LYG1: variants seen among roughly 807,000 people sequenced by gnomAD.
LYG1 encodes lysozyme g1.
LYG1 carries 17 observed loss-of-function variants against 21.7 expected under a neutral mutation model. That is an observed-to-expected ratio of 0.78 (90% CI 0.54 to 1.18). The LOEUF (loss-of-function observed/expected upper bound fraction) is 1.18, where lower values mean the gene tolerates loss of function less well. Among genes scored for constraint, LYG1 ranks in the 50% most tolerant of loss-of-function variants. The pLI, the probability that LYG1 is intolerant of heterozygous loss-of-function variation, is 0.00. For missense variants in LYG1, 211 were observed against 238.1 expected, an observed-to-expected ratio of 0.89 and a Z score of 0.75; for synonymous variants, 81 against 87.4, an observed-to-expected ratio of 0.93 and a Z score of 0.41.
intron 3 of LYG1, among the ~76,000 whole-genome samples, chr2:99,294,803 T>G (rs758630015): frequency 1.3e-5 from 2 of 152,176 alleles, no homozygotes; most frequent in Non-Finnish European, 2.9e-5. Context: ...GAACTTTGCT[T>G]CCTCCTTTTA....
At chr2:99,288,852 G>A (rs564019578) in intron 5 of LYG1, among the ~76,000 whole-genome samples, 3 of 152,242 alleles carry the variant, frequency 2.0e-5, no homozygotes, top group East Asian at 1.9e-4. Context: ...TTTTAAAGAC[G>A]TGAGCCACTG....
chr2:99,291,454 G>T, intron 4 of LYG1, 33 bp from the exon 5 acceptor site: 1 of 1,606,728 alleles, frequency 6.2e-7, no homozygotes, highest in Middle Eastern at 1.7e-4. Flanking sequence ...GATGCAGCTT[G>T]TTGTGACTTA....
At chr2:99,292,769 A>C in intron 3 of LYG1, 129 bp from the exon 4 acceptor site, 2 of 638,058 alleles carry the variant, frequency 3.1e-6, no homozygotes, top group Non-Finnish European at 5.5e-6. Context: ...TCTGCAATTG[A>C]AACTCTTGAA....
chr2:99,295,244 G>GT (rs1266902882), intron 3 of LYG1, among the ~76,000 whole-genome samples: 1 of 152,158 alleles, frequency 6.6e-6, no homozygotes, highest in Non-Finnish European at 1.5e-5. Flanking sequence ...CTTGATTCTG[G>GT]TTTTCTATTT....
At chr2:99,289,660 C>T (rs906175725) in intron 5 of LYG1, among the ~76,000 whole-genome samples, 9 of 152,114 alleles carry the variant, frequency 5.9e-5, no homozygotes, top group Non-Finnish European at 1.5e-5. Context: ...TTCAATGCTG[C>T]CAGTGCAAAC....
At chr2:99,299,679 C>A (rs1296489015) in intron 1 of LYG1, among the ~76,000 whole-genome samples, 5 of 151,976 alleles carry the variant, frequency 3.3e-5, no homozygotes, top group African/African-American at 1.2e-4. Context: ...CCTGCCTCAG[C>A]CTCCCAAAGT....
At chr2:99,284,606 T>A (rs2094091835) in intron 6 of LYG1, 82 bp downstream of exon 6, 41 of 1,593,156 alleles carry the variant, frequency 2.6e-5, no homozygotes, top group Non-Finnish European at 3.4e-5. Flanking sequence ...CAGCTGGAGT[T>A]TCGGGGAATC....
chr2:99,296,342 C>T (rs1466171518), intron 2 of LYG1, among the ~76,000 whole-genome samples: 1 of 152,144 alleles, frequency 6.6e-6, no homozygotes. Flanking sequence ...GAGCTACCTC[C>T]ACCAGCAAAT....
intron 5 of LYG1, among the ~76,000 whole-genome samples, chr2:99,289,616 C>T (rs543522584): frequency 2.0e-5 from 3 of 152,268 alleles, no homozygotes; most frequent in East Asian, 3.9e-4. Flanking sequence ...CAGTTAATGA[C>T]TGAGTTAGTG....
upstream of LYG1, chr2:99,301,323 T>A (rs2105305347): frequency 6.6e-6 from 1 of 151,972 alleles, no homozygotes; most frequent in East Asian, 1.9e-4. Flanking sequence ...TTTGACACAT[T>A]GAGGTCCAAC....
intron 5 of LYG1, among the ~76,000 whole-genome samples, chr2:99,286,797 AAAGAGATATCTGAGCTC>A (rs776478178): frequency 2.0e-5 from 3 of 152,214 alleles, no homozygotes; most frequent in Non-Finnish European, 4.4e-5. Context: ...TCAGGATCTC[AAAGAGATATCTGAGCTC>A]CCACATTCAT....
intron 4 of LYG1, 53 bp downstream of exon 4, chr2:99,292,483 G>A (rs2094122460): frequency 1.5e-6 from 2 of 1,342,792 alleles, no homozygotes; most frequent in Non-Finnish European, 2.1e-6. Context: ...CGTGAGGCAT[G>A]GGAAACAGTG....
At chr2:99,294,718 C>T (rs1006193579) in intron 3 of LYG1, among the ~76,000 whole-genome samples, 1 of 152,150 alleles carries the variant, frequency 6.6e-6, no homozygotes, top group African/African-American at 2.4e-5. Flanking sequence ...GGGTCAATAA[C>T]TAAATGAATG....
rs769262599 is a variant in LYG1 at position 99,295,623 on chromosome 2, C to G, written c.43+5G>C. The G allele has an allele frequency of 1.2e-6, 2 of 1,614,184 alleles. No individual in the cohort carries two copies. The highest frequency in any genetic ancestry group is 1.6e-4 in the Middle Eastern group (1 of 6,062). On this transcript the variant is annotated splice_donor_5th_base_variant and intron_variant, in intron 3 of 6. Transcript: ENST00000308528. ...AAGTCATTTGTAAAAATCAGCCACA[C>G]TCACCCATCAGGGCAAGGAGGCCCA...
chr2:99,301,621 C>G (rs1320604934), upstream of LYG1, among the ~76,000 whole-genome samples: 3 of 123,692 alleles, frequency 2.4e-5, no homozygotes, highest in African/African-American at 8.6e-5. Flanking sequence ...CAGACCCAGA[C>G]AGGTTTTTGG....
intron 2 of LYG1, among the ~76,000 whole-genome samples, chr2:99,296,586 G>A (rs2094137254): frequency 6.6e-6 from 1 of 152,104 alleles, no homozygotes; most frequent in African/African-American, 2.4e-5. Flanking sequence ...TAACCTCAGG[G>A]AATGGTAGAG....
intron 4 of LYG1, 64 bp downstream of exon 4, chr2:99,292,471 AG>A: frequency 8.4e-7 from 1 of 1,192,014 alleles, no homozygotes; most frequent in African/African-American, 1.5e-5. Context: ...AACACTCAGT[AG>A]CGTGAGGCAT....
Position 99,292,623 on chromosome 2 carries a change from TG to T in LYG1, c.60del (p.Ser20ArgfsTer27), listed in dbSNP as rs748770007. Reference protein sequence around the residue: ...LLALMDLSESSNWGCYGNIQS... With the variant: ...LLALMDLSESXNWGCYGNIQS... ...TGGATGTTTCCATAGCATCCCCAGTTGCTGCTTTCAGACAAGTCTACAAGTT... is the reference window on the plus strand; with the variant it reads ...TGGATGTTTCCATAGCATCCCCAGTTCTGCTTTCAGACAAGTCTACAAGTT... On this transcript the variant is annotated frameshift_variant, in exon 4 of 7. Transcript: ENST00000308528. LOFTEE classifies it high-confidence loss of function. 6.8e-6 allele frequency: 11 copies of T among 1,614,052 alleles called. No homozygotes were observed. The highest frequency in any genetic ancestry group is 7.6e-6 in the Non-Finnish European group (9 of 1,179,894).
chr2:99,290,769 G>A (rs7561616), intron 5 of LYG1, among the ~76,000 whole-genome samples: 58,430 of 152,052 alleles, frequency 0.38, 12,001 homozygotes, highest in East Asian at 0.64. Flanking sequence ...ATAGAAAAAG[G>A]TAAAGGAAAA....
Sources: allele counts gnomAD v4.1 joint callset (sites outside exome capture counted in the v4.1 genomes callset), GRCh38; gene constraint gnomAD v4.1.1; transcripts MANE v1.5; gene names NCBI Gene and HGNC (gene_info 2026-07-23, HGNC 2026-07-21).